The following FGL1 variants were observed in gnomAD, a reference collection of about 807,000 sequenced individuals.
FGL1 encodes fibrinogen like 1.
In FGL1, 59 loss-of-function variants were observed where a neutral mutation model predicts 43.7. The ratio of observed to expected loss-of-function variants is 1.35; its 90% CI spans 1.10 to 1.68. The LOEUF is 1.68. FGL1 is among the 40% of genes most tolerant of loss of function. The pLI, the probability that FGL1 is intolerant of heterozygous loss-of-function variation, is 0.00. For missense variants in FGL1, 596 were observed against 373.0 expected (o/e 1.60, Z -4.92); for synonymous variants, 192 against 126.5 (o/e 1.52, Z -3.48).
At chr8:17,877,363 A>G (rs141879032) in intron 3 of FGL1, among the ~76,000 whole-genome samples, 169 of 152,362 alleles carry the variant, frequency 1.1e-3, no homozygotes, top group African/African-American at 4.0e-3. Context: ...GATCATGCAG[A>G]AAGTAAGCCA....
intron 1 of FGL1, among the ~76,000 whole-genome samples, chr8:17,887,523 G>T (rs557858121): frequency 6.5e-4 from 99 of 152,256 alleles, no homozygotes; most frequent in Non-Finnish European, 9.7e-4. Flanking sequence ...AATTAGTCAT[G>T]ACTTAACCCT....
rs182235545 is a variant in FGL1 at position 17,883,366 on chromosome 8, A to G, written c.64-1187T>C. Among the ~76,000 whole-genome samples the G allele has an allele frequency of 2.0e-5, 2 of 100,120 alleles. 1 individual carries two copies. Among genetic ancestry groups the G allele is most frequent in the African/African-American group, 1.0e-4 (2 of 19,296 alleles). The allele number at this position is 100,120 out of a possible 152,430, so 65.7% of individuals were successfully genotyped here. On this transcript the variant is annotated intron_variant, in intron 2 of 7. Transcript: ENST00000427924. ...ATATATAATATAATAATAATATATA[A>G]TATATAAAATAATATACAATATAAT...
intron 2 of FGL1, among the ~76,000 whole-genome samples, chr8:17,884,901 C>G (rs1032703987): frequency 1.3e-5 from 2 of 152,136 alleles, no homozygotes; most frequent in Non-Finnish European, 2.9e-5. Flanking sequence ...TAGTTTTACA[C>G]TTTTCAATAT....
At chr8:17,886,978 G>A (rs558219972) in intron 1 of FGL1, among the ~76,000 whole-genome samples, 13 of 152,248 alleles carry the variant, frequency 8.5e-5, no homozygotes, top group African/African-American at 3.1e-4. Flanking sequence ...TAAATCCTGT[G>A]CAGCCAGGTG....
chr8:17,891,536 A>C (rs1267875440), intron 1 of FGL1: 1 of 231,970 alleles, frequency 4.3e-6, no homozygotes, highest in Admixed American at 6.5e-5. Context: ...TAACTCAGTT[A>C]CATGTACAAA....
intron 3 of FGL1, among the ~76,000 whole-genome samples, chr8:17,875,606 T>TTTCTTTC (rs2053444541): frequency 6.8e-6 from 1 of 146,948 alleles, no homozygotes; most frequent in Non-Finnish European, 1.5e-5. Flanking sequence ...TCTTTCTTTC[T>TTTCTTTC]TTCTTTCTTT....
At chr8:17,887,913 C>G (rs1030532329) in intron 1 of FGL1, among the ~76,000 whole-genome samples, 3 of 151,512 alleles carry the variant, frequency 2.0e-5, no homozygotes, top group Non-Finnish European at 4.4e-5. Flanking sequence ...TTTGTAGCAA[C>G]AATTTATAAG....
In FGL1 at chr8:17,885,621, T is replaced by A. The variant is rs34880881; in HGVS notation, c.-17-50A>T. 8.3e-3 allele frequency: 12,712 copies of A among 1,529,192 alleles called. 853 individuals are homozygous for A. The African/African-American group carries it at 0.15, about 18-fold the overall frequency. The allele number at this position is 1,529,192 out of a possible 1,614,324, so 94.7% of individuals were successfully genotyped here. On this transcript the variant is annotated intron_variant, in intron 1 of 7. Coordinates refer to ENST00000427924, the MANE Select transcript of FGL1 (RefSeq NM_004467.4). ...AAATGTATCAACCTTGAATTTTTCA[T>A]GAGACCAGAGTTCAGACTTCAGTAG... is the stretch of plus-strand genomic sequence containing the variant.
chr8:17,894,267 C>T (rs6983087), intron 1 of FGL1, among the ~76,000 whole-genome samples: 84,917 of 146,104 alleles, frequency 0.58, 29,168 homozygotes, highest in Middle Eastern at 0.73. Flanking sequence ...AGTTATTGAA[C>T]GAAGTATGTT....
At chr8:17,885,953 C>T (rs2053621948) in intron 1 of FGL1, among the ~76,000 whole-genome samples, 1 of 152,192 alleles carries the variant, frequency 6.6e-6, no homozygotes, top group Admixed American at 6.5e-5. Flanking sequence ...CTTTTTCTCC[C>T]TATGTTGTGA....
At chr8:17,867,751 C>A (rs778951652) in intron 7 of FGL1, among the ~76,000 whole-genome samples, 1 of 152,114 alleles carries the variant, frequency 6.6e-6, no homozygotes, top group East Asian at 1.9e-4. Context: ...TCCAATGGTG[C>A]GAATCTCTGC....
intron 5 of FGL1, among the ~76,000 whole-genome samples, chr8:17,873,576 A>C (rs2053397204): frequency 6.6e-6 from 1 of 152,208 alleles, no homozygotes; most frequent in African/African-American, 2.4e-5. Flanking sequence ...ACATTAGGTA[A>C]CTGATACAGC....
chr8:17,891,653 T>G (rs372824973), intron 1 of FGL1: 2 of 983,824 alleles, frequency 2.0e-6, no homozygotes, highest in South Asian at 9.4e-5. Context: ...AAATATCTAC[T>G]GAATAGATGA....
At chr8:17,890,525 A>ACATCCTT (rs980227586) in intron 1 of FGL1, among the ~76,000 whole-genome samples, 20 of 152,256 alleles carry the variant, frequency 1.3e-4, no homozygotes, top group African/African-American at 4.6e-4. Context: ...TTGCTCCATG[A>ACATCCTT]CATCCTTCAG....
chr8:17,893,112 A>T (rs1245758324), intron 1 of FGL1, among the ~76,000 whole-genome samples: 1 of 152,148 alleles, frequency 6.6e-6, no homozygotes, highest in Non-Finnish European at 1.5e-5. Flanking sequence ...GAGGCATGAG[A>T]ATTGCTTGAA....
chr8:17,888,682 A>T (rs957236716), intron 1 of FGL1, among the ~76,000 whole-genome samples: 1 of 152,198 alleles, frequency 6.6e-6, no homozygotes, highest in African/African-American at 2.4e-5. Flanking sequence ...CAACATCAGC[A>T]TTGAATACTA....
At chr8:17,883,608 G>A (rs1453932372) in intron 2 of FGL1, among the ~76,000 whole-genome samples, 1 of 138,080 alleles carries the variant, frequency 7.2e-6, no homozygotes, top group Non-Finnish European at 1.5e-5. Flanking sequence ...ATTACATAAT[G>A]GATTTATATA....
rs1363601497 is a variant in FGL1 at position 17,868,913 on chromosome 8, T to C, written c.591+3A>G. On this transcript the variant is annotated splice_donor_region_variant and intron_variant, in intron 6 of 7. Coordinates refer to ENST00000427924, the MANE Select transcript of FGL1 (RefSeq NM_004467.4). ...GGTTTTACTTCTTAGAAAATTGTAG[T>C]ACCTTTTCATCTCCAACTTTGAAAT... The C allele has an allele frequency of 3.1e-6, 5 of 1,587,328 alleles. No individual in the cohort carries two copies. The highest frequency in any genetic ancestry group is 4.5e-5 in the East Asian group (2 of 44,636).
intron 2 of FGL1, chr8:17,882,615 G>T (rs1439844334): frequency 1.4e-5 from 2 of 144,396 alleles, no homozygotes; most frequent in African/African-American, 5.5e-5. Context: ...GAAGTTAATT[G>T]TACTGTTGGC....
Sources: allele counts gnomAD v4.1 joint callset (sites outside exome capture counted in the v4.1 genomes callset), GRCh38; gene constraint gnomAD v4.1.1; transcripts MANE v1.5; gene names NCBI Gene and HGNC (gene_info 2026-07-23, HGNC 2026-07-21).